The following POLQ variants were observed in gnomAD, a reference collection of about 807,000 sequenced individuals.
The protein encoded by POLQ is DNA polymerase theta.
Under a neutral mutation model 259.2 loss-of-function variants are expected in POLQ, and 233 were observed. That is an observed-to-expected ratio of 0.90 (90% CI 0.81 to 1.00). The LOEUF (loss-of-function observed/expected upper bound fraction) is 1.00. Among genes scored for constraint, POLQ ranks in the 50% least tolerant of loss-of-function variants. The pLI is 0.00. For synonymous variants in POLQ, 1,025 were observed against 1,048.8 expected (o/e 0.98, Z 0.44); for missense variants, 2,871 against 3,051.6 (o/e 0.94, Z 1.39).
chr3:121,432,957 A>G lies in POLQ; in HGVS notation c.7620T>C (p.Asp2540=), dbSNP rs2047509954. 1.2e-6 allele frequency: 2 copies of G among 1,610,612 alleles called. No homozygotes were observed. The change falls in exon 29 of 30, where the codon GAT becomes GAC. Residue 2540 remains aspartate, a synonymous_variant. Coordinates refer to ENST00000264233, the MANE Select transcript of POLQ (RefSeq NM_199420.4). ...CTTCTGCCACTTCATATAGGAGTTC[A>G]TCATGGAGTTGAAGGATGAAGAAGC... ...RGGFFILQLH[D]ELLYEVAEED...
Position 121,488,527 on chromosome 3 carries a change from G to A in POLQ, c.4404C>T (p.Pro1468=), listed in dbSNP as rs752196960. Residue 1468 remains proline, a synonymous_variant, in exon 16 of 30, where the codon CCC becomes CCT. Coordinates refer to ENST00000264233, the MANE Select transcript of POLQ (RefSeq NM_199420.4). ...VILLIPQKRT[P]TGVEGECLPV... Reference sequence around the variant, plus strand: ...GAAGACATTCTCCTTCTACACCAGTGGGAGTTCTCTTTTGAGGAATCAGAA... The same window carrying A: ...GAAGACATTCTCCTTCTACACCAGTAGGAGTTCTCTTTTGAGGAATCAGAA... 1.9e-6 allele frequency: 3 copies of A among 1,610,822 alleles called. No homozygotes were observed. Among genetic ancestry groups the A allele is most frequent in the South Asian group, 2.2e-5 (2 of 90,044 alleles).
At chr3:121,514,328 A>G (rs2048278715) in intron 9 of POLQ, among the ~76,000 whole-genome samples, 1 of 147,290 alleles carries the variant, frequency 6.8e-6, no homozygotes, top group Admixed American at 6.8e-5. Flanking sequence ...AATTCCGTGT[A>G]TTAAAAAAAA....
rs151085758 is a variant in POLQ, at chr3:121,496,139, C to T, written c.2278+669G>A. Among the ~76,000 whole-genome samples, 4 of 151,464 alleles carry T rather than the reference C, an allele frequency of 2.6e-5. No individual in the cohort carries two copies. In the East Asian group the frequency reaches 7.8e-4, roughly 29 times the overall value. ...AGACAGGAGTTCAGAAATCCCTCTC[C>T]ATCTTCCGTCCTTCTCCTCAACAAT... On this transcript the variant is annotated intron_variant, in intron 14 of 29. Transcript: ENST00000264233.
intron 25 of POLQ, among the ~76,000 whole-genome samples, chr3:121,456,717 C>T (rs970413561): frequency 2.0e-5 from 3 of 151,920 alleles, no homozygotes; most frequent in African/African-American, 7.3e-5. Context: ...CAAACCACTG[C>T]TCAAGGAAAT....
At chr3:121,442,897 T>C (rs954337446) in intron 26 of POLQ, among the ~76,000 whole-genome samples, 1 of 152,226 alleles carries the variant, frequency 6.6e-6, no homozygotes, top group East Asian at 1.9e-4. Flanking sequence ...TCTCACTCTG[T>C]TGCCCAGGCT....
rs753685309 is a variant in POLQ at position 121,490,057 on chromosome 3, G to A, written c.2874C>T (p.Asp958=). The change falls in exon 16 of 30, where the codon GAC becomes GAT. Residue 958 remains aspartate (D), a synonymous_variant. Coordinates refer to ENST00000264233, the MANE Select transcript of POLQ (RefSeq NM_199420.4). ...TTGTATGCTCTCTACTTTTATTTAA[G>A]TCTTGCACTATATTTGGTGAATGCT... ...YIKHSPNIVQ[D]LNKSREHTSS... 6.3e-7 allele frequency: 1 copy of A among 1,576,698 alleles called. No individual in the cohort carries two copies. The highest frequency in any genetic ancestry group is 8.6e-7 in the Non-Finnish European group (1 of 1,164,014).
At chr3:121,434,987 T>C (rs2047531052) in intron 28 of POLQ, among the ~76,000 whole-genome samples, 1 of 151,940 alleles carries the variant, frequency 6.6e-6, no homozygotes, top group African/African-American at 2.4e-5. Context: ...TGAAACCCCC[T>C]CTCTACTAAA....
chr3:121,517,371 G>GC (rs1008673530), intron 9 of POLQ, among the ~76,000 whole-genome samples: 3 of 145,046 alleles, frequency 2.1e-5, no homozygotes, highest in African/African-American at 7.5e-5. Flanking sequence ...TGGAAGTTTT[G>GC]TTTTTTTTTT....
chr3:121,472,246 G>A, intron 21 of POLQ, 82 bp from the exon 22 acceptor site: 1 of 626,700 alleles, frequency 1.6e-6, no homozygotes, highest in Non-Finnish European at 2.6e-6. Flanking sequence ...AAATAATACA[G>A]TCTCAAAATT....
rs377370995 is a variant in POLQ at position 121,535,519 on chromosome 3, C to T, written c.740+1581G>A. 2.6e-5 allele frequency among the ~76,000 whole-genome samples: 4 copies of T among 151,858 alleles called. No individual in the cohort carries two copies. The East Asian group carries it at 7.7e-4, about 29-fold the overall frequency. The stretch of plus-strand genomic sequence containing the variant: ...TCACCTGAGGTCAGGCATTCGAGAC[C>T]AGCCTGGCCAACATGGTGAAACCCT... On this transcript the variant is annotated intron_variant, in intron 5 of 29. Coordinates refer to ENST00000264233, the MANE Select transcript of POLQ (RefSeq NM_199420.4).
In POLQ at chr3:121,487,187, C is replaced by G. The variant is rs1023747653; in HGVS notation, c.5629+115G>C. On this transcript the variant is annotated intron_variant, in intron 16 of 29. Coordinates refer to ENST00000264233, the MANE Select transcript of POLQ (RefSeq NM_199420.4). ...TACACATAAATCCACAGAGGAGATA[C>G]ATACTACAACTTGAATAGATTATAT... The G allele has an allele frequency of 6.6e-6, 4 of 610,500 alleles. No homozygotes were observed. In the Admixed American group the frequency reaches 1.4e-4, roughly 21 times the overall value. 37.8% of individuals were successfully genotyped at this position (610,500 alleles called of 1,614,324 possible).
intron 19 of POLQ, 43 bp downstream of exon 19, chr3:121,481,529 T>G (rs2047969788): frequency 1.3e-6 from 2 of 1,520,954 alleles, no homozygotes; most frequent in South Asian, 2.6e-5. Context: ...TAAATCTCTA[T>G]CTCTAATCTA....
At chr3:121,449,620 T>TGA (rs1210491344) in intron 25 of POLQ, among the ~76,000 whole-genome samples, 194 bp from the exon 26 acceptor site, 2 of 152,172 alleles carry the variant, frequency 1.3e-5, no homozygotes, top group South Asian at 4.1e-4. Context: ...CATTACTTTT[T>TGA]GAGAGAGAGA....
At chr3:121,544,969 C>A in intron 1 of POLQ, 63 bp from the exon 2 acceptor site, 3 of 1,012,754 alleles carry the variant, frequency 3.0e-6, no homozygotes, top group Non-Finnish European at 2.9e-6. Context: ...TTACAGTTAG[C>A]CCTTCACCGT....
rs777253850 is a variant in POLQ, at chr3:121,545,700, G to A, written c.163+15C>T. 10 of 1,539,306 alleles carry A rather than the reference G, an allele frequency of 6.5e-6. No individual in the cohort carries two copies. In the South Asian group the frequency reaches 1.2e-4, roughly 18 times the overall value. On this transcript the variant is annotated intron_variant, in intron 1 of 29. Transcript: ENST00000264233. ...CTGCCCCCGTTGCCCGCGGCCTCCC[G>A]GGTTCCTGGAGCACCTGCAGCTGCG... is the stretch of plus-strand genomic sequence containing the variant.
chr3:121,512,275 A>G (rs2048261446), intron 9 of POLQ, among the ~76,000 whole-genome samples: 1 of 152,230 alleles, frequency 6.6e-6, no homozygotes, highest in South Asian at 2.1e-4. Context: ...CAGCAAACAC[A>G]GAAAGAACTC....
chr3:121,542,653 A>G (rs534832635), intron 2 of POLQ, among the ~76,000 whole-genome samples: 2 of 152,162 alleles, frequency 1.3e-5, no homozygotes, highest in Non-Finnish European at 2.9e-5. Flanking sequence ...AAGGAGTGAC[A>G]AGATCATATT....
At chr3:121,442,729 T>G (rs2047604282) in intron 26 of POLQ, among the ~76,000 whole-genome samples, 1 of 152,216 alleles carries the variant, frequency 6.6e-6, no homozygotes, top group Non-Finnish European at 1.5e-5. Flanking sequence ...CTGGCTATTG[T>G]GAATAGTGCT....
Position 121,473,390 on chromosome 3 carries a change from C to T in POLQ, c.6503G>A (p.Gly2168Glu). ...LGSTRRGIDN[G>E]RKLRLGRQFS... ...CTGTCTTCCCAGCCTTAGCTTGCGT[C>T]CATTGTCAATCCCTCTTCTGGTAGA... Residue 2168 changes from glycine to glutamate, a missense_variant, in exon 21 of 30, where the codon GGA becomes GAA. Physicochemically the swap from Gly to Glu is moderately conservative, Grantham distance 98. Coordinates refer to ENST00000264233, the MANE Select transcript of POLQ (RefSeq NM_199420.4). The T allele has an allele frequency of 6.2e-7, 1 of 1,614,098 alleles. No individual in the cohort carries two copies. The highest frequency in any genetic ancestry group is 1.3e-5 in the African/African-American group (1 of 75,058).
Sources: gnomAD v4.1 joint callset for allele counts (sites outside exome capture counted in the v4.1 genomes callset) on GRCh38, gnomAD v4.1.1 for gene constraint, MANE v1.5 for transcripts, NCBI Gene and HGNC (gene_info 2026-07-23, HGNC 2026-07-21) for gene names.